The following EXOC2 variants were observed in gnomAD, a reference collection of about 807,000 sequenced individuals.
EXOC2 encodes the protein SEC5-like 1.
Under a neutral mutation model 131.8 loss-of-function variants are expected in EXOC2, and 70 were observed. The ratio of observed to expected loss-of-function variants is 0.53; its 90% confidence interval spans 0.44 to 0.65. The LOEUF (loss-of-function observed/expected upper bound fraction) is 0.65, where lower values mean the gene tolerates loss of function less well. Ranked by LOEUF, EXOC2 falls within the 30% of genes least tolerant of loss-of-function variation. EXOC2 has a pLI of 0.00. For missense variants in EXOC2, 923 were observed against 1,108.6 expected (o/e 0.83, Z 2.38); for synonymous variants, 411 against 398.4 (o/e 1.03, Z -0.38).
chr6:575,135 A>G (rs1045967368), intron 12 of EXOC2, among the ~76,000 whole-genome samples: 2 of 152,206 alleles, frequency 1.3e-5, no homozygotes, highest in Non-Finnish European at 2.9e-5. Context: ...TCCTTGCAAT[A>G]ATGAGTGAGT....
intron 26 of EXOC2, among the ~76,000 whole-genome samples, chr6:489,326 G>A (rs770907945): frequency 2.0e-5 from 3 of 152,208 alleles, no homozygotes; most frequent in South Asian, 4.1e-4. Context: ...TGATAGAGGA[G>A]AGCTTAATGT....
intron 20 of EXOC2, among the ~76,000 whole-genome samples, chr6:554,898 C>T (rs1342593650): frequency 6.6e-6 from 1 of 152,150 alleles, no homozygotes; most frequent in Non-Finnish European, 1.5e-5. Context: ...AATGGTGCCT[C>T]CCCCTAACAC....
intron 1 of EXOC2, among the ~76,000 whole-genome samples, chr6:661,662 G>C (rs1763429202): frequency 6.6e-6 from 1 of 151,938 alleles, no homozygotes; most frequent in Non-Finnish European, 1.5e-5. Flanking sequence ...ACAAATCCTG[G>C]AAACACAACA....
intron 21 of EXOC2, among the ~76,000 whole-genome samples, chr6:551,762 C>T (rs1757156637): frequency 6.6e-6 from 1 of 152,234 alleles, no homozygotes; most frequent in Non-Finnish European, 1.5e-5. Context: ...AGCCCCTCAG[C>T]CCTTGGGGCT....
chr6:630,144 A>T (rs1247718461), intron 3 of EXOC2, among the ~76,000 whole-genome samples, 183 bp from the exon 4 acceptor site: 1 of 152,176 alleles, frequency 6.6e-6, no homozygotes, highest in Non-Finnish European at 1.5e-5. Context: ...TATAAGCACT[A>T]AAAAAATTTA....
intron 22 of EXOC2, among the ~76,000 whole-genome samples, chr6:543,451 G>T (rs138172215): frequency 5.9e-5 from 9 of 152,164 alleles, no homozygotes; most frequent in Non-Finnish European, 1.2e-4. Flanking sequence ...AGTTACCGGG[G>T]GCTGAGGGCA....
chr6:507,997 A>T (rs1456309517), intron 23 of EXOC2, among the ~76,000 whole-genome samples: 1 of 152,176 alleles, frequency 6.6e-6, no homozygotes, highest in African/African-American at 2.4e-5. Context: ...AGGAATAACC[A>T]CTATTGACAG....
chr6:496,680 G>A (rs572864949), intron 25 of EXOC2, among the ~76,000 whole-genome samples: 89 of 152,134 alleles, frequency 5.9e-4, no homozygotes, highest in African/African-American at 1.2e-3. Flanking sequence ...ACCAATGGTC[G>A]TTCTCTGGTG....
intron 23 of EXOC2, among the ~76,000 whole-genome samples, chr6:502,312 C>G (rs1013038724): frequency 6.6e-6 from 1 of 152,176 alleles, no homozygotes; most frequent in Admixed American, 6.5e-5. Flanking sequence ...TAACGATGTG[C>G]TACGGTGCAA....
intron 22 of EXOC2, among the ~76,000 whole-genome samples, chr6:533,087 T>C (rs1016283422): frequency 2.1e-4 from 32 of 152,204 alleles, no homozygotes; most frequent in African/African-American, 7.5e-4. Flanking sequence ...CTTACTATCA[T>C]GAGAAGAGCA....
At chr6:501,063 T>C (rs1325802977) in intron 23 of EXOC2, among the ~76,000 whole-genome samples, 1 of 131,734 alleles carries the variant, frequency 7.6e-6, no homozygotes, top group African/African-American at 2.9e-5. Flanking sequence ...TATCTATATA[T>C]ATCTATATAT....
chr6:584,000 A>G (rs914125998), intron 11 of EXOC2, among the ~76,000 whole-genome samples: 2 of 152,198 alleles, frequency 1.3e-5, no homozygotes, highest in African/African-American at 4.8e-5. Flanking sequence ...GGAGAGAAAC[A>G]ATTTTTTAAA....
chr6:692,340 C>A (rs575827462), intron 1 of EXOC2, among the ~76,000 whole-genome samples: 3 of 152,330 alleles, frequency 2.0e-5, no homozygotes, highest in African/African-American at 7.2e-5. Context: ...TCTTAACAAT[C>A]TTGGGATACA....
At chr6:689,666 G>A (rs1764827102) in intron 1 of EXOC2, among the ~76,000 whole-genome samples, 1 of 152,180 alleles carries the variant, frequency 6.6e-6, no homozygotes, top group South Asian at 2.1e-4. Flanking sequence ...TACCCCTTAT[G>A]AATCCAGGCT....
intron 4 of EXOC2, among the ~76,000 whole-genome samples, chr6:626,102 T>C (rs913778078): frequency 3.9e-5 from 6 of 152,232 alleles, no homozygotes; most frequent in African/African-American, 1.2e-4. Context: ...CATATATTTG[T>C]GACAACTGCC....
intron 19 of EXOC2, among the ~76,000 whole-genome samples, chr6:555,519 GT>G (rs1561851709): frequency 6.6e-6 from 1 of 152,094 alleles, no homozygotes; most frequent in African/African-American, 2.4e-5. Context: ...AAGTGCCTAT[GT>G]TTTGATCAAT....
intron 23 of EXOC2, among the ~76,000 whole-genome samples, chr6:507,358 C>A (rs1441918470): frequency 7.6e-6 from 1 of 131,386 alleles, no homozygotes; most frequent in African/African-American, 2.9e-5. Context: ...AGCAGTGACC[C>A]CACACACACA....
chr6:630,143 TA>T (rs1157382942), intron 3 of EXOC2, among the ~76,000 whole-genome samples, 182 bp from the exon 4 acceptor site: 8 of 152,154 alleles, frequency 5.3e-5, no homozygotes, highest in African/African-American at 1.9e-4. Context: ...TTATAAGCAC[TA>T]AAAAAATTTA....
intron 1 of EXOC2, among the ~76,000 whole-genome samples, chr6:668,280 G>C (rs983407844): frequency 3.3e-5 from 5 of 152,174 alleles, no homozygotes; most frequent in African/African-American, 1.2e-4. Flanking sequence ...CCTCCATCAT[G>C]TCTCTCCTAC....
Sources: gnomAD v4.1 joint callset for allele counts (sites outside exome capture counted in the v4.1 genomes callset) on GRCh38, gnomAD v4.1.1 for gene constraint, MANE v1.5 for transcripts, NCBI Gene and HGNC (gene_info 2026-07-23, HGNC 2026-07-21) for gene names.